The following GABRB2 variants were observed in gnomAD, a reference collection of about 807,000 sequenced individuals.
GABRB2 encodes gamma-aminobutyric acid type A receptor subunit beta2.
In GABRB2, 16 loss-of-function variants were observed where a neutral mutation model predicts 54.7. The ratio of observed to expected loss-of-function variants is 0.29; its 90% CI spans 0.20 to 0.44. The LOEUF (loss-of-function observed/expected upper bound fraction) is 0.44. GABRB2 is among the 20% of genes least tolerant of loss of function. GABRB2 has a pLI of 1.00. For synonymous variants in GABRB2, 244 were observed against 233.8 expected (o/e 1.04, Z -0.40); for missense variants, 355 against 644.0 (o/e 0.55, Z 4.86).
intron 4 of GABRB2, among the ~76,000 whole-genome samples, chr5:161,456,891 AT>A (rs1757969644): frequency 6.6e-6 from 1 of 152,238 alleles, no homozygotes; most frequent in Non-Finnish European, 1.5e-5. Context: ...GGGGCAAAGT[AT>A]TGTAGAATCA....
chr5:161,424,265 C>A (rs1222471897), intron 4 of GABRB2, among the ~76,000 whole-genome samples: 2 of 152,216 alleles, frequency 1.3e-5, no homozygotes, highest in African/African-American at 2.4e-5. Flanking sequence ...GACAAAACAG[C>A]CTTCCACTGG....
chr5:161,406,313 T>TA (rs1457113535), intron 5 of GABRB2, among the ~76,000 whole-genome samples: 2 of 152,050 alleles, frequency 1.3e-5, no homozygotes, highest in Non-Finnish European at 2.9e-5. Flanking sequence ...CACAGCTGGC[T>TA]AAAACATTCT....
chr5:161,455,011 A>C (rs912744642), intron 4 of GABRB2, among the ~76,000 whole-genome samples: 2 of 152,086 alleles, frequency 1.3e-5, no homozygotes, highest in African/African-American at 2.4e-5. Flanking sequence ...AAGGATGAAA[A>C]CTGTTAGAAC....
At chr5:161,322,307 C>T (rs991615985) in intron 9 of GABRB2, among the ~76,000 whole-genome samples, 7 of 152,138 alleles carry the variant, frequency 4.6e-5, no homozygotes, top group Non-Finnish European at 8.8e-5. Flanking sequence ...GCAATCTTGG[C>T]GCGCTGCAAC....
chr5:161,470,119 CA>C (rs1241532314), intron 3 of GABRB2, among the ~76,000 whole-genome samples: 6 of 151,354 alleles, frequency 4.0e-5, no homozygotes, highest in African/African-American at 1.2e-4. Context: ...CCTGTCTATC[CA>C]AACCCTGCCT....
intron 5 of GABRB2, among the ~76,000 whole-genome samples, chr5:161,381,279 G>A (rs894358536): frequency 7.2e-5 from 11 of 152,088 alleles, no homozygotes; most frequent in Non-Finnish European, 1.3e-4. Flanking sequence ...AACACACTGA[G>A]TATAACTCCT....
chr5:161,522,845 G>A (rs181814813), intron 3 of GABRB2, among the ~76,000 whole-genome samples: 31 of 151,372 alleles, frequency 2.0e-4, no homozygotes, highest in Admixed American at 1.6e-3. Context: ...GTGTTTTTCC[G>A]GATATTATCA....
chr5:161,446,023 C>T (rs186251668), intron 4 of GABRB2, among the ~76,000 whole-genome samples: 39 of 152,224 alleles, frequency 2.6e-4, no homozygotes, highest in East Asian at 1.9e-4. Context: ...ATGTCACCTC[C>T]TAAAGTAGGA....
chr5:161,412,013 C>T (rs762602223), intron 4 of GABRB2, among the ~76,000 whole-genome samples: 3 of 152,234 alleles, frequency 2.0e-5, no homozygotes, highest in Admixed American at 2.0e-4. Flanking sequence ...AAAGTAGAAA[C>T]TAACGTTGAA....
chr5:161,323,147 T>C (rs2113384045), intron 9 of GABRB2, among the ~76,000 whole-genome samples: 2 of 151,534 alleles, frequency 1.3e-5, no homozygotes. Flanking sequence ...CCTCAGACTC[T>C]AGTAGCTGGG....
intron 3 of GABRB2, among the ~76,000 whole-genome samples, chr5:161,539,551 G>C (rs1760748891): frequency 6.6e-6 from 1 of 152,188 alleles, no homozygotes; most frequent in East Asian, 1.9e-4. Context: ...TGCAAGCCAA[G>C]TTAATATATC....
At chr5:161,402,123 T>C (rs1756215408) in intron 5 of GABRB2, among the ~76,000 whole-genome samples, 1 of 151,784 alleles carries the variant, frequency 6.6e-6, no homozygotes. Flanking sequence ...AAAATCATGG[T>C]TGTATTTAAT....
At chr5:161,322,601 TC>T (rs1190587705) in intron 9 of GABRB2, among the ~76,000 whole-genome samples, 1 of 152,238 alleles carries the variant, frequency 6.6e-6, no homozygotes, top group Non-Finnish European at 1.5e-5. Context: ...AATATTTTTT[TC>T]TATTCCATTT....
At chr5:161,309,075 C>T (rs1408868736) in intron 9 of GABRB2, among the ~76,000 whole-genome samples, 1 of 152,070 alleles carries the variant, frequency 6.6e-6, no homozygotes. Context: ...AAACAACTTA[C>T]AGAATGAGAG....
At chr5:161,433,097 T>A (rs1420083681) in intron 4 of GABRB2, among the ~76,000 whole-genome samples, 2 of 152,068 alleles carry the variant, frequency 1.3e-5, no homozygotes, top group African/African-American at 4.8e-5. Context: ...CCAAAAAAAT[T>A]CACAGATATA....
At chr5:161,477,973 T>C (rs1167265652) in intron 3 of GABRB2, among the ~76,000 whole-genome samples, 1 of 152,052 alleles carries the variant, frequency 6.6e-6, no homozygotes, top group East Asian at 1.9e-4. Flanking sequence ...CAGCTTTGTG[T>C]ATAGTAAACA....
chr5:161,475,674 GTAATA>G (rs1335045673), intron 3 of GABRB2, among the ~76,000 whole-genome samples: 1 of 151,898 alleles, frequency 6.6e-6, no homozygotes, highest in East Asian at 1.9e-4. Flanking sequence ...ATTAATCAAT[GTAATA>G]CACTGCATTA....
intron 3 of GABRB2, among the ~76,000 whole-genome samples, chr5:161,502,691 A>C (rs915296061): frequency 4.6e-5 from 7 of 152,228 alleles, no homozygotes; most frequent in Non-Finnish European, 1.0e-4. Context: ...CAGTGCCTAA[A>C]GCACAGCAAA....
intron 4 of GABRB2, 76 bp from the exon 5 acceptor site, chr5:161,411,133 A>T: frequency 9.2e-7 from 1 of 1,088,898 alleles, no homozygotes; most frequent in Non-Finnish European, 1.4e-6. Flanking sequence ...CTAAGTATCA[A>T]AGAAGAGACT....
Sources: allele counts gnomAD v4.1 joint callset (sites outside exome capture counted in the v4.1 genomes callset), GRCh38; gene constraint gnomAD v4.1.1; transcripts MANE v1.5; gene names NCBI Gene and HGNC (gene_info 2026-07-23, HGNC 2026-07-21).